Variants in CLPTM1 observed in about 807,000 individuals in gnomAD.
CLPTM1 encodes putative lipid scramblase CLPTM1.
In CLPTM1, 21 loss-of-function variants were observed where a neutral mutation model predicts 77.3. The ratio of observed to expected loss-of-function variants is 0.27; its 90% CI spans 0.19 to 0.39. CLPTM1 has a LOEUF of 0.39. Ranked by LOEUF, CLPTM1 falls within the 10% of genes least tolerant of loss-of-function variation. The probability of loss-of-function intolerance (pLI) is 1.00; values close to 1 mark genes in which losing one functional copy is unlikely to be tolerated. For missense variants in CLPTM1, 642 were observed against 921.2 expected (o/e 0.70, Z 3.92); for synonymous variants, 373 against 381.0 (o/e 0.98, Z 0.24).
chr19:44,966,227 C>T (rs1263792997), intron 2 of CLPTM1, among the ~76,000 whole-genome samples: 2 of 152,112 alleles, frequency 1.3e-5, no homozygotes, highest in Non-Finnish European at 2.9e-5. Context: ...CTGGCTAACA[C>T]AGTGAAACTG....
At chr19:44,987,948 G>A in intron 8 of CLPTM1, 132 bp from the exon 9 acceptor site, 1 of 724,012 alleles carries the variant, frequency 1.4e-6, no homozygotes, top group Non-Finnish European at 2.5e-6. Flanking sequence ...GCCCATCTCT[G>A]ACCCAGTCTC....
chr19:44,991,274 C>T lies in CLPTM1; in HGVS notation c.1456C>T (p.Leu486Phe). ...GTACCTGTCCTGGATCCTCTTCCCGCTCCTGGGCTGCTATGCCGTCTACAG... is the reference window on the plus strand; with the variant it reads ...GTACCTGTCCTGGATCCTCTTCCCGTTCCTGGGCTGCTATGCCGTCTACAG... Reference protein sequence around the residue: ...FRYLSWILFPLLGCYAVYSLL... With the variant: ...FRYLSWILFPFLGCYAVYSLL... Residue 486 changes from leucine (L) to phenylalanine (F), a missense_variant, in exon 12 of 14, where the codon CTC (leucine) becomes TTC (phenylalanine). Coordinates refer to ENST00000337392, the MANE Select transcript of CLPTM1 (RefSeq NM_001294.4). The surrounding 1 kb of genome is among the most constrained non-coding windows in gnomAD (Gnocchi z 5.4). The T allele has an allele frequency of 1.9e-6, 3 of 1,614,098 alleles. No homozygotes were observed. The highest frequency in any genetic ancestry group is 2.5e-6 in the Non-Finnish European group (3 of 1,179,966).
In CLPTM1 at chr19:44,993,047, T is replaced by C. The variant is rs775388240; in HGVS notation, c.*150T>C. On this transcript the variant is annotated 3_prime_UTR_variant, in exon 14 of 14. Coordinates refer to ENST00000337392, the MANE Select transcript of CLPTM1 (RefSeq NM_001294.4). ...TCAGGTCAGGGCCCAGCGTGTGATG[T>C]AGGGGCCGGGGCAGGCCAGGGTTTG... 3.2e-6 allele frequency: 3 copies of C among 946,132 alleles called. No individual in the cohort carries two copies. Among genetic ancestry groups the C allele is most frequent in the East Asian group, 2.5e-5 (1 of 39,412 alleles). The allele number at this position is 946,132 out of a possible 1,614,324, so 58.6% of individuals were successfully genotyped here.
Position 44,993,293 on chromosome 19 carries a change from AAC to A in CLPTM1, c.*400_*401del, listed in dbSNP as rs1971116676. ...TCCCCCTCCTAGACCGCCGCCCTTT[AAC>A]ACAGTCTGGATTTAATAAATTCATA... On this transcript the variant is annotated 3_prime_UTR_variant, in exon 14 of 14. Transcript: ENST00000337392. 4.8e-6 allele frequency: 2 copies of A among 418,806 alleles called. No homozygotes were observed. The highest frequency in any genetic ancestry group is 4.7e-6 in the Non-Finnish European group (1 of 214,932). 25.9% of individuals were successfully genotyped at this position (418,806 alleles called of 1,614,324 possible).
chr19:44,983,641 A>AAAAAG (rs1568387850), intron 5 of CLPTM1, among the ~76,000 whole-genome samples: 164 of 147,830 alleles, frequency 1.1e-3, no homozygotes, highest in African/African-American at 3.7e-3. Context: ...AAAAAAAAAA[A>AAAAAG]AAAAGAAAAG....
intron 7 of CLPTM1, 81 bp downstream of exon 7, chr19:44,986,656 C>T: frequency 2.6e-6 from 4 of 1,538,422 alleles, no homozygotes; most frequent in East Asian, 2.3e-5. Context: ...TCTCCTGGCC[C>T]TGTCCCCCTG....
rs765778744 is a variant in CLPTM1, at chr19:44,985,216, A to G, written c.587-2A>G. The G allele has an allele frequency of 6.2e-7, 1 of 1,612,832 alleles. No homozygotes were observed. The highest frequency in any genetic ancestry group is 8.5e-7 in the Non-Finnish European group (1 of 1,179,092). On this transcript the variant is annotated splice_acceptor_variant, in intron 5 of 13. Transcript: ENST00000337392. LOFTEE classifies it high-confidence loss of function. ...CCCTCCTTTCCCACCTCCCAACCAC[A>G]GTGATCAACAAATACAAGCGCAGAC...
chr19:44,977,472 C>T lies in CLPTM1; in HGVS notation c.586+12C>T. ...CCACATGTCCCGGAGTAAGTCGCTC[C>T]CCTGCAGCCAGGACCCACTGTCCAG... On this transcript the variant is annotated intron_variant, in intron 5 of 13. Transcript: ENST00000337392. 1 of 1,585,506 alleles carries T rather than the reference C, an allele frequency of 6.3e-7. No homozygotes were observed. Among genetic ancestry groups the T allele is most frequent in the Non-Finnish European group, 8.6e-7 (1 of 1,162,724 alleles).
intron 8 of CLPTM1, 115 bp downstream of exon 8, chr19:44,987,538 C>A: frequency 7.2e-7 from 1 of 1,389,216 alleles, no homozygotes; most frequent in Non-Finnish European, 9.8e-7. Context: ...CCTCTGCCCA[C>A]AGTTTCACAA....
At chr19:44,973,457 G>A (rs1970754198) in intron 3 of CLPTM1, among the ~76,000 whole-genome samples, 1 of 152,204 alleles carries the variant, frequency 6.6e-6, no homozygotes, top group Non-Finnish European at 1.5e-5. Context: ...GGTTAAAATA[G>A]GTTAAATCAG....
At position 44,973,219 on chromosome 19, in the gene CLPTM1, C is replaced by T. The variant is rs1390239388; in HGVS notation, c.309+9C>T. 8.1e-6 allele frequency: 13 copies of T among 1,613,716 alleles called. No individual in the cohort carries two copies. Among genetic ancestry groups the T allele is most frequent in the South Asian group, 3.3e-5 (3 of 91,068 alleles). On this transcript the variant is annotated intron_variant, in intron 3 of 13. Transcript: ENST00000337392. ...CCAAAGACACTTTAATGGTAACTGC[C>T]GGGTGGTAGGGCAGACTTGGGAGGT... is the stretch of plus-strand genomic sequence containing the variant.
intron 4 of CLPTM1, among the ~76,000 whole-genome samples, chr19:44,975,759 T>C (rs1307189123): frequency 6.6e-6 from 1 of 152,152 alleles, no homozygotes; most frequent in Non-Finnish European, 1.5e-5. Flanking sequence ...AGACAAGGTT[T>C]CACTATGTTG....
At chr19:44,983,026 T>C (rs1375492523) in intron 5 of CLPTM1, among the ~76,000 whole-genome samples, 2 of 148,860 alleles carry the variant, frequency 1.3e-5, no homozygotes, top group Non-Finnish European at 1.5e-5. Context: ...ATGCCACTGC[T>C]CTCTAGCCTG....
chr19:44,985,188 G>A (rs768462165), intron 5 of CLPTM1, 30 bp from the exon 6 acceptor site: 11 of 1,582,790 alleles, frequency 6.9e-6, no homozygotes, highest in East Asian at 4.5e-5. Flanking sequence ...CAGGTCTCAC[G>A]TCCCCTCCTT....
chr19:44,967,645 G>T (rs1192323862), intron 2 of CLPTM1, among the ~76,000 whole-genome samples: 2 of 137,606 alleles, frequency 1.5e-5, no homozygotes, highest in African/African-American at 5.6e-5. Flanking sequence ...CAACAAGAGT[G>T]AAACTCTGTC....
chr19:44,972,271 G>A (rs1417376904), intron 2 of CLPTM1, among the ~76,000 whole-genome samples: 1 of 146,916 alleles, frequency 6.8e-6, no homozygotes, highest in Non-Finnish European at 1.5e-5. Flanking sequence ...TTTTTGAGAT[G>A]GAGTCTCGCT....
At chr19:44,987,094 G>C in intron 7 of CLPTM1, 85 bp from the exon 8 acceptor site, 3 of 1,502,300 alleles carry the variant, frequency 2.0e-6, no homozygotes, top group Non-Finnish European at 2.7e-6. Flanking sequence ...GAGGGGCCCT[G>C]TTGGGTCTCT....
chr19:44,954,824 A>T, upstream of CLPTM1: 1 of 1,222,096 alleles, frequency 8.2e-7, no homozygotes, highest in Admixed American at 2.9e-5. Context: ...GAACTCTAAA[A>T]ACACAGAAAG....
intron 5 of CLPTM1, among the ~76,000 whole-genome samples, chr19:44,982,532 G>T (rs1305178191): frequency 6.6e-6 from 1 of 152,182 alleles, no homozygotes; most frequent in Non-Finnish European, 1.5e-5. Context: ...GGTCCATCTG[G>T]TCTGGATGCC....
Sources: gnomAD v4.1 joint callset for allele counts (sites outside exome capture counted in the v4.1 genomes callset) on GRCh38, gnomAD v4.1.1 for gene constraint, Gnocchi (gnomAD v3.1) non-coding constraint, MANE v1.5 for transcripts, NCBI Gene and HGNC (gene_info 2026-07-23, HGNC 2026-07-21) for gene names.